AQP9: variants seen among roughly 807,000 people sequenced by gnomAD.
AQP9 encodes aquaporin-9.
A neutral mutation model predicts 23.8 loss-of-function variants in AQP9; 19 were observed. That is an observed-to-expected ratio of 0.80 (90% CI 0.56 to 1.17). The LOEUF (loss-of-function observed/expected upper bound fraction) is 1.17, where lower values mean the gene tolerates loss of function less well. Ranked by LOEUF, AQP9 falls within the 50% of genes most tolerant of loss-of-function variation. AQP9 has a pLI of 0.00. For synonymous variants in AQP9, 153 were observed against 131.5 expected, an observed-to-expected ratio of 1.16 and a Z score of -1.12; for missense variants, 413 against 362.0, an observed-to-expected ratio of 1.14 and a Z score of -1.14.
intron 1 of AQP9, among the ~76,000 whole-genome samples, chr15:58,147,572 C>A (rs1293722978): frequency 6.6e-6 from 1 of 152,120 alleles, no homozygotes; most frequent in Admixed American, 6.5e-5. Context: ...ATCTCAGTAG[C>A]TTGGCTGGTC....
intron 1 of AQP9, among the ~76,000 whole-genome samples, chr15:58,156,441 C>T (rs1413895945): frequency 6.6e-6 from 1 of 152,168 alleles, no homozygotes; most frequent in Admixed American, 6.5e-5. Flanking sequence ...ACCGTATCAA[C>T]TGTACAACTC....
chr15:58,160,873 C>A (rs972849266), intron 1 of AQP9, among the ~76,000 whole-genome samples: 2 of 152,100 alleles, frequency 1.3e-5, no homozygotes, highest in Non-Finnish European at 2.9e-5. Context: ...AAGGGTGTTT[C>A]TTCTGAAAGG....
In AQP9 at chr15:58,179,280, C is replaced by G; in HGVS notation, c.648C>G (p.Asn216Lys). Residue 216 changes from asparagine to lysine, a missense_variant, in exon 5 of 6, where the codon AAC (asparagine) becomes AAG (lysine). Asn to Lys is a moderately conservative substitution (Grantham distance 94). Transcript: ENST00000219919. ...GACTGAACAGTGGCTGTGCCATGAA[C>G]CCAGCTCGAGACCTGAGTCCCAGAC... ...SLGLNSGCAM[N>K]PARDLSPRLF... is the part of the protein sequence containing the mutation. The G allele has an allele frequency of 3.1e-6, 5 of 1,614,156 alleles. No individual in the cohort carries two copies. Among genetic ancestry groups the G allele is most frequent in the Non-Finnish European group, 4.2e-6 (5 of 1,180,020 alleles).
At chr15:58,152,972 C>T (rs1898178625) in intron 1 of AQP9, 1 of 152,060 alleles carries the variant, frequency 6.6e-6, no homozygotes, top group Non-Finnish European at 1.5e-5. Context: ...ACTCATTTTC[C>T]TCACGATAAT....
chr15:58,169,819 G>A (rs1167265546), intron 2 of AQP9, among the ~76,000 whole-genome samples: 1 of 152,138 alleles, frequency 6.6e-6, no homozygotes, highest in East Asian at 1.9e-4. Flanking sequence ...GCTGTCTAAT[G>A]GCAATTGCTA....
At position 58,174,910 on chromosome 15, in the gene AQP9, T is replaced by C; in HGVS notation, c.377-8T>C. 9 of 1,612,082 alleles carry C rather than the reference T, an allele frequency of 5.6e-6. No individual in the cohort carries two copies. The highest frequency in any genetic ancestry group is 1.1e-5 in the South Asian group (1 of 91,052). On this transcript the variant is annotated splice_polypyrimidine_tract_variant and splice_region_variant and intron_variant, in intron 3 of 5. Transcript: ENST00000219919. ...AACACTAATGTGCCAGAGCTTTCTC[T>C]TTCATAGATGGACTTATGTCCTTTG...
At chr15:58,143,109 T>C (rs1190504555) in intron 1 of AQP9, among the ~76,000 whole-genome samples, 1 of 152,222 alleles carries the variant, frequency 6.6e-6, no homozygotes, top group Non-Finnish European at 1.5e-5. Context: ...TCAGAGGATG[T>C]CTACCGTCAG....
chr15:58,176,578 C>A (rs965298078), intron 4 of AQP9, among the ~76,000 whole-genome samples: 1 of 149,512 alleles, frequency 6.7e-6, no homozygotes, highest in Non-Finnish European at 1.5e-5. Context: ...CATAGAAGAG[C>A]GAGGACAATT....
intron 1 of AQP9, among the ~76,000 whole-genome samples, chr15:58,157,591 C>T (rs1387444439): frequency 6.6e-6 from 1 of 152,158 alleles, no homozygotes; most frequent in Admixed American, 6.6e-5. Context: ...CCCATACTCA[C>T]TTCCAGTGTT....
In AQP9 at chr15:58,184,339, C is replaced by T; in HGVS notation, c.*204C>T. On this transcript the variant is annotated 3_prime_UTR_variant, in exon 6 of 6. Coordinates refer to ENST00000219919, the MANE Select transcript of AQP9 (RefSeq NM_020980.5). ...TACCATTGTCCCCCACCCCCACCCC[C>T]CAGAATAACGCTGACTGTCCCCTGA... 2 of 540,404 alleles carry T rather than the reference C, an allele frequency of 3.7e-6. No individual in the cohort carries two copies. The highest frequency in any genetic ancestry group is 3.0e-5 in the East Asian group (1 of 32,802). The allele number at this position is 540,404 out of a possible 1,614,324, so 33.5% of individuals were successfully genotyped here.
chr15:58,166,409 G>A (rs1898503604), intron 1 of AQP9, among the ~76,000 whole-genome samples: 1 of 149,214 alleles, frequency 6.7e-6, no homozygotes, highest in South Asian at 2.1e-4. Flanking sequence ...CTAGATCATT[G>A]TGTGAAATGT....
At chr15:58,160,286 T>G (rs1288825919) in intron 1 of AQP9, among the ~76,000 whole-genome samples, 1 of 152,114 alleles carries the variant, frequency 6.6e-6, no homozygotes, top group Non-Finnish European at 1.5e-5. Flanking sequence ...TGTTGGCCAC[T>G]TTCTGTCTTC....
At chr15:58,138,707 C>G (rs765791375) in intron 1 of AQP9, 31 bp downstream of exon 1, 1 of 1,573,806 alleles carries the variant, frequency 6.4e-7, no homozygotes, top group Non-Finnish European at 8.7e-7. Context: ...TACATTCAGA[C>G]CCAATAATGC....
rs1898830055 is a variant in AQP9, at chr15:58,179,305, C to T, written c.673C>T (p.Leu225Phe). 6.2e-7 allele frequency: 1 copy of T among 1,614,016 alleles called. No homozygotes were observed. Among genetic ancestry groups the T allele is most frequent in the African/African-American group, 1.3e-5 (1 of 75,060 alleles). Residue 225 changes from leucine to phenylalanine, a missense_variant, in exon 5 of 6, where the codon CTT (leucine) becomes TTT (phenylalanine). By Grantham distance (22) the Leu-to-Phe change is conservative. Coordinates refer to ENST00000219919, the MANE Select transcript of AQP9 (RefSeq NM_020980.5). ...CCCAGCTCGAGACCTGAGTCCCAGA[C>T]TTTTCACTGCCTTGGCAGGCTGGGG... ...MNPARDLSPR[L>F]FTALAGWGFE...
chr15:58,174,891 A>G (rs748563133), intron 3 of AQP9, 27 bp from the exon 4 acceptor site: 12 of 1,589,508 alleles, frequency 7.5e-6, no homozygotes, highest in Non-Finnish European at 6.9e-6. Context: ...AGGGAACACT[A>G]ATGTGCCAGA....
intron 1 of AQP9, among the ~76,000 whole-genome samples, chr15:58,156,620 G>C (rs1309180453): frequency 6.6e-6 from 1 of 152,152 alleles, no homozygotes; most frequent in Non-Finnish European, 1.5e-5. Context: ...GCAATCCCCT[G>C]TAAATAGCAT....
chr15:58,162,576 A>C (rs1275687547), intron 1 of AQP9, among the ~76,000 whole-genome samples: 1 of 152,184 alleles, frequency 6.6e-6, no homozygotes, highest in Non-Finnish European at 1.5e-5. Context: ...CCTGTATCAC[A>C]TGCCTTCTGC....
intron 1 of AQP9, among the ~76,000 whole-genome samples, chr15:58,141,957 T>C (rs1188220439): frequency 6.6e-6 from 1 of 152,112 alleles, no homozygotes; most frequent in Non-Finnish European, 1.5e-5. Flanking sequence ...TCCAGGACAA[T>C]TTTGGTCTAG....
In AQP9 at chr15:58,184,284, A is replaced by G. The variant is rs2140639756; in HGVS notation, c.*149A>G. 1 of 817,562 alleles carries G rather than the reference A, an allele frequency of 1.2e-6. No individual in the cohort carries two copies. The highest frequency in any genetic ancestry group is 1.9e-6 in the Non-Finnish European group (1 of 533,162). The allele number at this position is 817,562 out of a possible 1,614,324, so 50.6% of individuals were successfully genotyped here. On this transcript the variant is annotated 3_prime_UTR_variant, in exon 6 of 6. Transcript: ENST00000219919. ...GACATCTAATTGGAAAAGCATCTGC[A>G]TAAAAGTTTGGAAACAATGACCACT...
Sources: gnomAD v4.1 joint callset for allele counts (sites outside exome capture counted in the v4.1 genomes callset) on GRCh38, gnomAD v4.1.1 for gene constraint, MANE v1.5 for transcripts, NCBI Gene and HGNC (gene_info 2026-07-23, HGNC 2026-07-21) for gene names.